The following AKAP13 variants were observed in gnomAD, a reference collection of about 807,000 sequenced individuals.
The protein encoded by AKAP13 is A-kinase anchor protein 13.
A neutral mutation model predicts 264.5 loss-of-function variants in AKAP13; 80 were observed. That is an observed-to-expected ratio of 0.30 (90% CI 0.25 to 0.36). AKAP13 has a LOEUF of 0.36. Among genes scored for constraint, AKAP13 ranks in the 10% least tolerant of loss-of-function variants. The pLI, the probability that AKAP13 is intolerant of heterozygous loss-of-function variation, is 1.00. For synonymous variants in AKAP13, 1,380 were observed against 1,250.2 expected, an observed-to-expected ratio of 1.10 and a Z score of -2.19; for missense variants, 3,712 against 3,435.2, an observed-to-expected ratio of 1.08 and a Z score of -2.01.
intron 1 of AKAP13, among the ~76,000 whole-genome samples, chr15:85,449,940 G>C (rs1444148893): frequency 3.3e-5 from 5 of 152,136 alleles, no homozygotes; most frequent in African/African-American, 1.2e-4. Flanking sequence ...CATAGAGTGA[G>C]TTGGGAGAAG....
At chr15:85,669,996 C>A (rs755514727) in intron 14 of AKAP13, among the ~76,000 whole-genome samples, 166 bp downstream of exon 14, 4 of 152,140 alleles carry the variant, frequency 2.6e-5, no homozygotes, top group Non-Finnish European at 5.9e-5. Flanking sequence ...TAGAGTTTAT[C>A]TTGAGATCTT....
At chr15:85,664,336 A>C (rs749556132) in intron 12 of AKAP13, among the ~76,000 whole-genome samples, 1 of 152,188 alleles carries the variant, frequency 6.6e-6, no homozygotes, top group Non-Finnish European at 1.5e-5. Flanking sequence ...CATTTGGATA[A>C]ATTTAATGCG....
At position 85,631,500 on chromosome 15, in the gene AKAP13, TCTCACACACACACACACACACA is replaced by T. The variant is rs1425583254; in HGVS notation, c.4162-7872_4162-7851del. ...CACACACTTTCTCTCTCTCTCTCTC[TCTCACACACACACACACACACA>T]CACACACACACACACACACACACAC... On this transcript the variant is annotated intron_variant, in intron 8 of 36. Transcript: ENST00000394518. Among the ~76,000 whole-genome samples, 20 of 80,192 alleles carry T rather than the reference TCTCACACACACACACACACACA, an allele frequency of 2.5e-4. 1 individual carries two copies. In the South Asian group the frequency reaches 3.6e-3, roughly 15 times the overall value. 52.6% of individuals were successfully genotyped at this position (80,192 alleles called of 152,430 possible).
chr15:85,409,959 C>T (rs919147670), intron 1 of AKAP13, among the ~76,000 whole-genome samples: 2 of 151,586 alleles, frequency 1.3e-5, no homozygotes, highest in African/African-American at 4.9e-5. Context: ...TTTAATGAAC[C>T]TTAAATTATA....
intron 1 of AKAP13, among the ~76,000 whole-genome samples, chr15:85,399,808 C>T (rs1407832725): frequency 6.6e-6 from 1 of 151,970 alleles, no homozygotes; most frequent in Non-Finnish European, 1.5e-5. Context: ...TTAACTCCAG[C>T]AATAAAACAG....
At chr15:85,442,279 A>G (rs2073687975) in intron 1 of AKAP13, among the ~76,000 whole-genome samples, 2 of 149,528 alleles carry the variant, frequency 1.3e-5, no homozygotes, top group African/African-American at 2.5e-5. Flanking sequence ...GCATGGTGGC[A>G]GGTGCCTGTA....
chr15:85,462,490 A>G (rs927252756), intron 1 of AKAP13, among the ~76,000 whole-genome samples: 1 of 152,182 alleles, frequency 6.6e-6, no homozygotes, highest in African/African-American at 2.4e-5. Context: ...GAGTTGCCAC[A>G]ATGCCCAGGA....
intron 5 of AKAP13, among the ~76,000 whole-genome samples, chr15:85,550,322 G>A (rs1055680836): frequency 6.6e-6 from 1 of 152,174 alleles, no homozygotes; most frequent in Non-Finnish European, 1.5e-5. Context: ...GCACCGATCT[G>A]TCCAGATTGA....
In AKAP13 at chr15:85,580,595, A is replaced by G. The variant is rs1388101574; in HGVS notation, c.2527A>G (p.Arg843Gly). 8.7e-6 allele frequency: 14 copies of G among 1,614,220 alleles called. No individual in the cohort carries two copies. The highest frequency in any genetic ancestry group is 1.3e-5 in the African/African-American group (1 of 75,054). The change falls in exon 7 of 37, where the codon AGG becomes GGG. Residue 843 changes from arginine to glycine, a missense_variant. By Grantham distance (125) the Arg-to-Gly change is moderately radical (BLOSUM62 -2). Around this residue, in one of 3 missense-constraint regions of AKAP13, gnomAD observed 2,759 missense variants for 2,411.7 expected, o/e 1.14. Coordinates refer to ENST00000394518, the MANE Select transcript of AKAP13 (RefSeq NM_007200.5). The stretch of plus-strand genomic sequence containing the variant: ...GCCTGATACGCGGCCACTAGAAGAC[A>G]GGGCAGTAGGCCTGTCCACATCCTC... The part of the protein sequence containing the change: ...NEPDTRPLED[R>G]AVGLSTSSTA...
rs532650876 is a variant in AKAP13 at position 85,468,170 on chromosome 15, G to A, written c.-11-17540G>A. ...GAGGTATTCTATGAAGACTTATTAA[G>A]GCTGCAAGAAGCTGAAATTGGGAAG... On this transcript the variant is annotated intron_variant, in intron 1 of 36. Transcript: ENST00000394518. Among the ~76,000 whole-genome samples the A allele has an allele frequency of 3.3e-4, 50 of 152,292 alleles. 1 individual carries two copies. In the South Asian group the frequency reaches 9.3e-3, roughly 28 times the overall value.
intron 23 of AKAP13, among the ~76,000 whole-genome samples, 169 bp from the exon 24 acceptor site, chr15:85,721,822 C>G (rs985327586): frequency 6.6e-6 from 1 of 152,254 alleles, no homozygotes; most frequent in Non-Finnish European, 1.5e-5. Flanking sequence ...AGTTGAACCT[C>G]TTGAGTAACT....
intron 5 of AKAP13, among the ~76,000 whole-genome samples, chr15:85,545,399 C>G (rs1421823917): frequency 6.6e-6 from 1 of 152,210 alleles, no homozygotes; most frequent in Non-Finnish European, 1.5e-5. Context: ...TTCATTATAT[C>G]CTTGGAGGGG....
At chr15:85,464,333 G>T (rs1280551935) in intron 1 of AKAP13, among the ~76,000 whole-genome samples, 5 of 152,138 alleles carry the variant, frequency 3.3e-5, no homozygotes, top group Admixed American at 2.6e-4. Flanking sequence ...ATGAGCTTTG[G>T]ATTTAGGTTG....
intron 3 of AKAP13, among the ~76,000 whole-genome samples, chr15:85,531,571 C>G (rs1193518843): frequency 6.6e-6 from 1 of 152,200 alleles, no homozygotes; most frequent in Non-Finnish European, 1.5e-5. Flanking sequence ...TGTAGTTAGG[C>G]TGGCTGCCCT....
chr15:85,586,636 G>T (rs2079364736), intron 8 of AKAP13, among the ~76,000 whole-genome samples: 2 of 152,030 alleles, frequency 1.3e-5, no homozygotes, highest in Admixed American at 6.6e-5. Context: ...GAAAAAACAG[G>T]TTCAATAGGC....
At chr15:85,585,944 C>T in intron 8 of AKAP13, 121 bp downstream of exon 8, 11 of 1,308,622 alleles carry the variant, frequency 8.4e-6, no homozygotes, top group South Asian at 2.8e-5. Context: ...TTCCCCCTTC[C>T]CTCTTGTGCT....
At chr15:85,532,317 C>T (rs2151188284) in intron 3 of AKAP13, among the ~76,000 whole-genome samples, 1 of 152,370 alleles carries the variant, frequency 6.6e-6, no homozygotes, top group East Asian at 1.9e-4. Flanking sequence ...CTTTCAAAGA[C>T]AGCAGAAAGC....
At chr15:85,598,080 T>G (rs1377839820) in intron 8 of AKAP13, among the ~76,000 whole-genome samples, 2 of 152,202 alleles carry the variant, frequency 1.3e-5, no homozygotes, top group Non-Finnish European at 2.9e-5. Flanking sequence ...TTGACATCAT[T>G]AATTTCTTTC....
chr15:85,550,410 A>G (rs556392481), intron 5 of AKAP13, among the ~76,000 whole-genome samples: 2 of 152,334 alleles, frequency 1.3e-5, no homozygotes, highest in South Asian at 4.1e-4. Context: ...TGTAGTGGGC[A>G]CTATTGGCCC....
Sources: allele counts gnomAD v4.1 joint callset (sites outside exome capture counted in the v4.1 genomes callset), GRCh38; gene constraint gnomAD v4.1.1; regional missense constraint gnomAD v4.1.1; transcripts MANE v1.5; gene names NCBI Gene and HGNC (gene_info 2026-07-23, HGNC 2026-07-21).